The following CSNK2A2IP variants were observed in gnomAD, a reference collection of about 807,000 sequenced individuals.
CSNK2A2IP encodes casein kinase 2 subunit alpha' interacting protein, also known as casein kinase II subunit alpha'-interacting protein.
At chr3:88,391,397 A>G in the CSNK2A2IP span, among the ~76,000 whole-genome samples, 1 of 152,172 alleles carries the variant, frequency 6.6e-6, no homozygotes, top group Non-Finnish European at 1.5e-5. Flanking sequence ...TGCAACCTAA[A>G]TGGACATAAT....
At chr3:88,385,525 T>C in the CSNK2A2IP span, among the ~76,000 whole-genome samples, 1 of 152,188 alleles carries the variant, frequency 6.6e-6, no homozygotes, top group Non-Finnish European at 1.5e-5. Flanking sequence ...TTTTTGTTTT[T>C]CTTCTTTTCT....
At chr3:88,449,848 CACACACATAT>C in the CSNK2A2IP span, among the ~76,000 whole-genome samples, 1 of 86,884 alleles carries the variant, frequency 1.2e-5, no homozygotes, top group East Asian at 3.4e-4. Flanking sequence ...CACACACACA[CACACACATAT>C]ATATATATAT....
At chr3:88,401,086 C>A in the CSNK2A2IP span, among the ~76,000 whole-genome samples, 2 of 152,190 alleles carry the variant, frequency 1.3e-5, no homozygotes, top group East Asian at 1.9e-4. Context: ...ATGAAGTTAT[C>A]ATATGTTATT....
the CSNK2A2IP span, among the ~76,000 whole-genome samples, chr3:88,355,840 A>T: frequency 6.6e-6 from 1 of 152,132 alleles, no homozygotes; most frequent in African/African-American, 2.4e-5. Flanking sequence ...CTTGAAAAAT[A>T]TGTGATTTCT....
chr3:88,393,702 G>A, the CSNK2A2IP span, among the ~76,000 whole-genome samples: 58,350 of 152,136 alleles, frequency 0.38, 14,207 homozygotes, highest in South Asian at 0.6. Flanking sequence ...TTTATGGTTA[G>A]ACAAGTGTGT....
the CSNK2A2IP span, among the ~76,000 whole-genome samples, chr3:88,432,318 C>A: frequency 6.6e-6 from 1 of 151,772 alleles, no homozygotes; most frequent in East Asian, 1.9e-4. Context: ...CAATTGATAT[C>A]TATTTTACTC....
At chr3:88,390,587 C>T in the CSNK2A2IP span, among the ~76,000 whole-genome samples, 5 of 152,096 alleles carry the variant, frequency 3.3e-5, no homozygotes, top group Admixed American at 6.5e-5. Flanking sequence ...ATAACTAAAT[C>T]GAGTGGGCAT....
chr3:88,446,101 T>TCTTTCTTTCTTTC, the CSNK2A2IP span, among the ~76,000 whole-genome samples: 2 of 132,478 alleles, frequency 1.5e-5, no homozygotes, highest in Non-Finnish European at 3.3e-5. Flanking sequence ...TTTCTTTCTT[T>TCTTTCTTTCTTTC]TTTTCTTTCT....
chr3:88,450,149 G>A, the CSNK2A2IP span, among the ~76,000 whole-genome samples: 3 of 151,938 alleles, frequency 2.0e-5, no homozygotes, highest in African/African-American at 4.8e-5. Context: ...GATTATGGAT[G>A]TGATCCACCA....
the CSNK2A2IP span, among the ~76,000 whole-genome samples, chr3:88,409,982 A>G: frequency 2.0e-5 from 3 of 152,050 alleles, no homozygotes; most frequent in Non-Finnish European, 4.4e-5. Context: ...CTGTGCCTGA[A>G]TTAGGATCAT....
chr3:88,421,778 G>A, the CSNK2A2IP span, among the ~76,000 whole-genome samples: 1 of 151,938 alleles, frequency 6.6e-6, no homozygotes, highest in Non-Finnish European at 1.5e-5. Context: ...CTTTTATCAA[G>A]AAACAACTCC....
the CSNK2A2IP span, among the ~76,000 whole-genome samples, chr3:88,382,047 G>A: frequency 9.8e-4 from 149 of 152,268 alleles, 1 homozygote; most frequent in Non-Finnish European, 2.6e-4. Context: ...TACTGTAGGC[G>A]TATTCTTTGC....
the CSNK2A2IP span, among the ~76,000 whole-genome samples, chr3:88,462,114 CAT>C: frequency 0.39 from 55,486 of 142,986 alleles, 11,192 homozygotes; most frequent in Non-Finnish European, 0.47. Flanking sequence ...GAGTTTTTTT[CAT>C]ATATATATAT....
chr3:88,460,914 C>T, the CSNK2A2IP span, among the ~76,000 whole-genome samples: 1 of 151,972 alleles, frequency 6.6e-6, no homozygotes, highest in South Asian at 2.1e-4. Context: ...AGGGCGAAAT[C>T]CCATCTCTAC....
the CSNK2A2IP span, among the ~76,000 whole-genome samples, chr3:88,339,827 G>A: frequency 6.6e-6 from 1 of 152,078 alleles, no homozygotes. Context: ...TTATGGGGGT[G>A]AGAACCTATG....
the CSNK2A2IP span, among the ~76,000 whole-genome samples, chr3:88,429,463 T>A: frequency 2.0e-5 from 3 of 152,180 alleles, no homozygotes; most frequent in Non-Finnish European, 4.4e-5. Flanking sequence ...TATCTCACGT[T>A]CTGCTTTTTA....
chr3:88,376,768 A>T, the CSNK2A2IP span, among the ~76,000 whole-genome samples: 1 of 151,924 alleles, frequency 6.6e-6, no homozygotes, highest in East Asian at 1.9e-4. Context: ...GTTAAGCTCA[A>T]GCAGTGATTC....
chr3:88,451,056 AG>A, the CSNK2A2IP span, among the ~76,000 whole-genome samples: 1 of 152,152 alleles, frequency 6.6e-6, no homozygotes, highest in African/African-American at 2.4e-5. Context: ...AACAAATGTA[AG>A]GGTGTTATAT....
At chr3:88,364,956 C>T in the CSNK2A2IP span, among the ~76,000 whole-genome samples, 983 of 152,194 alleles carry the variant, frequency 6.5e-3, 12 homozygotes, top group African/African-American at 0.022. Flanking sequence ...ATTTTATTTT[C>T]GTAACAAATT....
Sources: gnomAD v4.1 joint callset for allele counts (sites outside exome capture counted in the v4.1 genomes callset) on GRCh38, gnomAD v4.1.1 for gene constraint, MANE v1.5 for transcripts, NCBI Gene and HGNC (gene_info 2026-07-23, HGNC 2026-07-21) for gene names.